Variants in PCDH15 observed in about 807,000 individuals in gnomAD.
PCDH15 encodes the protein protocadherin-15.
Under a neutral mutation model 178.5 loss-of-function variants are expected in PCDH15, and 129 were observed. The observed-to-expected ratio is 0.72, with a 90% CI of 0.63 to 0.84. The LOEUF is 0.84. PCDH15 is among the 40% of genes least tolerant of loss of function. The pLI is 0.00. For missense variants in PCDH15, 2,230 were observed against 2,099.9 expected (o/e 1.06, Z -1.21); for synonymous variants, 800 against 732.0 (o/e 1.09, Z -1.50).
At chr10:54,761,535 T>A (rs1034251027) in intron 1 of PCDH15, among the ~76,000 whole-genome samples, 18 of 151,878 alleles carry the variant, frequency 1.2e-4, no homozygotes, top group Admixed American at 3.3e-4. Context: ...ATACAAAAAT[T>A]AGCCTGGCGT....
chr10:54,610,269 G>A (rs1470431751), intron 2 of PCDH15, among the ~76,000 whole-genome samples: 1 of 151,782 alleles, frequency 6.6e-6, no homozygotes, highest in Non-Finnish European at 1.5e-5. Flanking sequence ...TTGTCCAATG[G>A]TTTTAACCCT....
intron 6 of PCDH15, among the ~76,000 whole-genome samples, chr10:54,337,770 C>A (rs2134019364): frequency 6.6e-6 from 1 of 152,246 alleles, no homozygotes; most frequent in Admixed American, 6.5e-5. Context: ...ATAGAACAGT[C>A]ATGACTCATC....
At chr10:54,447,540 A>C (rs775101435) in intron 3 of PCDH15, among the ~76,000 whole-genome samples, 5 of 151,678 alleles carry the variant, frequency 3.3e-5, no homozygotes, top group East Asian at 3.9e-4. Flanking sequence ...CCAGGTTCAT[A>C]CGTGTTGTTG....
At chr10:54,934,462 A>G (rs1630848) in intron 2 of PCDH15, among the ~76,000 whole-genome samples, 69,119 of 151,948 alleles carry the variant, frequency 0.45, 15,952 homozygotes, top group Middle Eastern at 0.54. Context: ...AGGAAAAATT[A>G]GAGATAAAAA....
chr10:54,762,134 A>C (rs10740597), intron 1 of PCDH15, among the ~76,000 whole-genome samples: 108,633 of 151,978 alleles, frequency 0.71, 39,472 homozygotes, highest in East Asian at 0.84. Flanking sequence ...GCTATAGCAT[A>C]ATGTCAGAGC....
intron 8 of PCDH15, among the ~76,000 whole-genome samples, chr10:54,245,455 T>TC: frequency 6.6e-6 from 1 of 152,150 alleles, no homozygotes; most frequent in Non-Finnish European, 1.5e-5. Flanking sequence ...GATATTGACT[T>TC]TACCAAATAA....
At chr10:54,721,580 A>G in intron 1 of PCDH15, among the ~76,000 whole-genome samples, 1 of 151,772 alleles carries the variant, frequency 6.6e-6, no homozygotes, top group East Asian at 1.9e-4. Context: ...ATTATAAGAG[A>G]CTACTATGAA....
At chr10:55,194,677 A>T (rs1056388703) in intron 1 of PCDH15, among the ~76,000 whole-genome samples, 1 of 152,112 alleles carries the variant, frequency 6.6e-6, no homozygotes, top group Non-Finnish European at 1.5e-5. Flanking sequence ...CTAGCAATAT[A>T]ACTAGACATA....
intron 2 of PCDH15, among the ~76,000 whole-genome samples, chr10:55,492,299 A>G (rs546349553): frequency 1.3e-5 from 2 of 151,892 alleles, no homozygotes; most frequent in African/African-American, 2.4e-5. Context: ...TCTCACATTC[A>G]AGGCTTAAAG....
intron 2 of PCDH15, among the ~76,000 whole-genome samples, chr10:54,590,567 A>T (rs965470367): frequency 1.3e-5 from 2 of 152,192 alleles, no homozygotes; most frequent in Non-Finnish European, 2.9e-5. Flanking sequence ...TATTTTCCTC[A>T]AGAACATTAG....
At chr10:54,869,429 A>C (rs1041741998) in intron 3 of PCDH15, among the ~76,000 whole-genome samples, 4 of 152,208 alleles carry the variant, frequency 2.6e-5, no homozygotes, top group Non-Finnish European at 2.9e-5. Flanking sequence ...GCAGCCCTGG[A>C]AAAGTAATAT....
intron 2 of PCDH15, among the ~76,000 whole-genome samples, chr10:54,902,855 A>T (rs1954660427): frequency 6.6e-6 from 1 of 151,956 alleles, no homozygotes; most frequent in African/African-American, 2.4e-5. Flanking sequence ...ATGGGCTTTA[A>T]AGACAGCCAT....
intron 18 of PCDH15, among the ~76,000 whole-genome samples, chr10:54,039,941 A>G (rs970242972): frequency 1.3e-5 from 2 of 151,972 alleles, no homozygotes; most frequent in African/African-American, 4.8e-5. Context: ...GTTTTCCTAC[A>G]ATCTCTTCAC....
intron 2 of PCDH15, among the ~76,000 whole-genome samples, chr10:55,053,952 A>G (rs749684733): frequency 3.9e-5 from 6 of 152,212 alleles, no homozygotes; most frequent in Non-Finnish European, 8.8e-5. Context: ...ACTAAAAACC[A>G]TGAGCAGTGA....
At chr10:55,057,976 A>G (rs997758509) in intron 2 of PCDH15, among the ~76,000 whole-genome samples, 2 of 151,858 alleles carry the variant, frequency 1.3e-5, no homozygotes, top group African/African-American at 4.8e-5. Context: ...GTTTTGTTTT[A>G]TTAACTTGGG....
intron 2 of PCDH15, among the ~76,000 whole-genome samples, chr10:55,529,741 G>GTATATATA (rs56254743): frequency 0.18 from 11,175 of 62,144 alleles, 1,369 homozygotes; most frequent in Non-Finnish European, 0.22. Flanking sequence ...TTGTCTGTGA[G>GTATATATA]TATATATATA....
intron 33 of PCDH15, 141 bp downstream of exon 33, chr10:53,820,023 GT>G: frequency 2.6e-6 from 1 of 389,698 alleles, no homozygotes. Context: ...ACACAAATAT[GT>G]TTTTTGGACT....
At chr10:54,514,798 T>C (rs988302936) in intron 3 of PCDH15, among the ~76,000 whole-genome samples, 2 of 152,146 alleles carry the variant, frequency 1.3e-5, no homozygotes, top group African/African-American at 2.4e-5. Flanking sequence ...TTAGCAAAAC[T>C]TTCATACTTG....
At chr10:55,053,715 C>A (rs1841221801) in intron 2 of PCDH15, among the ~76,000 whole-genome samples, 1 of 152,130 alleles carries the variant, frequency 6.6e-6, no homozygotes, top group South Asian at 2.1e-4. Context: ...AAGTACAGGT[C>A]ATAATGGTAC....
Sources: gnomAD v4.1 joint callset for allele counts (sites outside exome capture counted in the v4.1 genomes callset) on GRCh38, gnomAD v4.1.1 for gene constraint, MANE v1.5 for transcripts, NCBI Gene and HGNC (gene_info 2026-07-23, HGNC 2026-07-21) for gene names.